Variants in TNK2 observed in about 807,000 individuals in gnomAD.
TNK2 encodes the protein tyrosine kinase non receptor 2.
In TNK2, 83 loss-of-function variants were observed where a neutral mutation model predicts 101.8. The observed-to-expected ratio is 0.82, with a 90% CI of 0.68 to 0.98. The LOEUF is 0.98. Among genes scored for constraint, TNK2 ranks in the 50% least tolerant of loss-of-function variants. The pLI, the probability that TNK2 is intolerant of heterozygous loss-of-function variation, is 0.00. For missense variants in TNK2, 1,665 were observed against 1,483.2 expected, an observed-to-expected ratio of 1.12 and a Z score of -2.01; for synonymous variants, 804 against 633.0, an observed-to-expected ratio of 1.27 and a Z score of -4.06.
intron 1 of TNK2, among the ~76,000 whole-genome samples, chr3:195,905,129 G>A (rs1352996436): frequency 1.3e-5 from 2 of 152,166 alleles, no homozygotes; most frequent in Non-Finnish European, 2.9e-5. Context: ...GTGTGATACT[G>A]GGATAAAGAC....
intron 1 of TNK2, among the ~76,000 whole-genome samples, chr3:195,890,056 CT>C (rs1236795160): frequency 6.6e-6 from 1 of 152,258 alleles, no homozygotes; most frequent in Non-Finnish European, 1.5e-5. Context: ...CCAGTTCCGA[CT>C]TTTTCAGGCA....
chr3:195,907,965 G>C (rs1761912456), intron 1 of TNK2: 1 of 152,350 alleles, frequency 6.6e-6, no homozygotes, highest in African/African-American at 2.4e-5. Flanking sequence ...AGGACGGCGT[G>C]GCAGAAGCGG....
At chr3:195,896,268 G>T in intron 1 of TNK2, 1 of 360,628 alleles carries the variant, frequency 2.8e-6, no homozygotes, top group Non-Finnish European at 5.5e-6. Flanking sequence ...TTAGTACCAG[G>T]TATTTAGGGC....
At chr3:195,869,920 C>T (rs952031104) in intron 11 of TNK2, 194 bp downstream of exon 11, 6 of 563,228 alleles carry the variant, frequency 1.1e-5, no homozygotes, top group Admixed American at 6.6e-5. Context: ...CCCGAGGAGG[C>T]CCACCTCGGC....
At chr3:195,901,855 T>C (rs1161512907) in intron 1 of TNK2, among the ~76,000 whole-genome samples, 1 of 152,164 alleles carries the variant, frequency 6.6e-6, no homozygotes, top group Non-Finnish European at 1.5e-5. Flanking sequence ...GGCACAAGGA[T>C]GCGGGCCCAT....
chr3:195,879,945 G>A (rs1751457836), intron 6 of TNK2, among the ~76,000 whole-genome samples: 1 of 152,134 alleles, frequency 6.6e-6, no homozygotes, highest in African/African-American at 2.4e-5. Context: ...ATACAAAAGA[G>A]GCTGCTCTAA....
At chr3:195,884,732 A>G in intron 4 of TNK2, 80 bp downstream of exon 4, 1 of 1,349,086 alleles carries the variant, frequency 7.4e-7, no homozygotes, top group Non-Finnish European at 1.0e-6. Flanking sequence ...TCCCATCCAC[A>G]CCCTGGTTGG....
chr3:195,869,770 G>T, intron 11 of TNK2: 1 of 602,040 alleles, frequency 1.7e-6, no homozygotes, highest in Admixed American at 2.9e-5. Flanking sequence ...GAGGCCCCAG[G>T]CAGAGCCGGA....
Position 195,885,880 on chromosome 3 carries a change from A to G in TNK2, c.235-847T>C, listed in dbSNP as rs1399415654. On this transcript the variant is annotated intron_variant, in intron 3 of 15. Coordinates refer to ENST00000672887, the MANE Select transcript of TNK2 (RefSeq NM_001382273.1). This position sits in a 1 kb window ranked among gnomAD's most constrained non-coding sequence, Gnocchi z 4.7. ...GGTCTCACGCCCCCAGAGCTGGTGG[A>G]TCCTTATCCGTCTGGGCTAGGGTGC... 1.3e-5 allele frequency: 4 copies of G among 307,040 alleles called. 1 individual carries two copies. The highest frequency in any genetic ancestry group is 8.8e-5 in the African/African-American group (4 of 45,598). 19.0% of individuals were successfully genotyped at this position (307,040 alleles called of 1,614,324 possible).
At chr3:195,865,954 G>T (rs1405738658) in intron 15 of TNK2, among the ~76,000 whole-genome samples, 1 of 152,202 alleles carries the variant, frequency 6.6e-6, no homozygotes, top group East Asian at 1.9e-4. Flanking sequence ...ACGCTGCTGG[G>T]ACAAGGGCAG....
chr3:195,872,590 G>C, intron 9 of TNK2, 120 bp from the exon 10 acceptor site: 1 of 1,076,602 alleles, frequency 9.3e-7, no homozygotes, highest in South Asian at 1.6e-5. Context: ...CTCAGGACCA[G>C]GCTGTGTGCC....
chr3:195,868,354 G>T lies in TNK2; in HGVS notation c.1944C>A (p.Pro648=). 2 of 1,598,986 alleles carry T rather than the reference G, an allele frequency of 1.3e-6. No homozygotes were observed. Among genetic ancestry groups the T allele is most frequent in the Non-Finnish European group, 1.7e-6 (2 of 1,177,942 alleles). Residue 648 remains proline (P), a synonymous_variant, in exon 13 of 16, where the codon CCC becomes CCA. Transcript: ENST00000672887. ...DWDARPLPPP[P]AYDDVAQDED... is the part of the protein sequence containing the mutation. ...CATCCTGGGCCACGTCGTCATAGGC[G>T]GGCGGGGGGGGCAGCGGGCGTGCGT...
At chr3:195,892,445 G>C in intron 1 of TNK2, 1 of 1,535,518 alleles carries the variant, frequency 6.5e-7, no homozygotes, top group Admixed American at 2.0e-5. Context: ...GGCCAGGAGA[G>C]GGAAGGAGAG....
intron 9 of TNK2, among the ~76,000 whole-genome samples, chr3:195,876,285 CTCAG>C (rs1749196467): frequency 6.6e-6 from 1 of 152,242 alleles, no homozygotes; most frequent in Non-Finnish European, 1.5e-5. Flanking sequence ...TGAGCCTAGA[CTCAG>C]TCAGAGCTGC....
At position 195,888,637 on chromosome 3, in the gene TNK2, G is replaced by T; in HGVS notation, c.-18-31C>A. On this transcript the variant is annotated intron_variant, in intron 1 of 15. Coordinates refer to ENST00000672887, the MANE Select transcript of TNK2 (RefSeq NM_001382273.1). This position sits in a 1 kb window ranked among gnomAD's most constrained non-coding sequence, Gnocchi z 5.3. ...GGGGGAGGAGTGGCTCAGGGACAAG[G>T]GTTGTGGGGGGACAACAGGGGCCTG... is the stretch of plus-strand genomic sequence containing the variant. 6.3e-7 allele frequency: 1 copy of T among 1,580,650 alleles called. No homozygotes were observed. Among genetic ancestry groups the T allele is most frequent in the Non-Finnish European group, 8.6e-7 (1 of 1,163,326 alleles).
At chr3:195,889,406 G>A (rs1233969573) in intron 1 of TNK2, among the ~76,000 whole-genome samples, 1 of 152,134 alleles carries the variant, frequency 6.6e-6, no homozygotes, top group Non-Finnish European at 1.5e-5. Context: ...AAAATATTCA[G>A]AAGGCACACT....
chr3:195,867,120 C>T (rs750629582), intron 14 of TNK2, 49 bp downstream of exon 14: 17 of 1,608,874 alleles, frequency 1.1e-5, no homozygotes, highest in Non-Finnish European at 1.3e-5. Context: ...GGCAGCAGAA[C>T]CAGGCTTCAG....
intron 1 of TNK2, among the ~76,000 whole-genome samples, chr3:195,898,341 A>G (rs976383434): frequency 6.6e-6 from 1 of 152,124 alleles, no homozygotes; most frequent in Non-Finnish European, 1.5e-5. Context: ...GCAACTTTTG[A>G]GCAAACAACC....
intron 14 of TNK2, 28 bp from the exon 15 acceptor site, chr3:195,867,044 C>G: frequency 6.2e-7 from 1 of 1,612,036 alleles, no homozygotes; most frequent in Non-Finnish European, 8.5e-7. Context: ...GCCATGGACA[C>G]GCGGGCCCAG....
Sources: allele counts gnomAD v4.1 joint callset (sites outside exome capture counted in the v4.1 genomes callset), GRCh38; gene constraint gnomAD v4.1.1; non-coding constraint Gnocchi (gnomAD v3.1); transcripts MANE v1.5; gene names NCBI Gene and HGNC (gene_info 2026-07-23, HGNC 2026-07-21).